The following AKT3 variants were observed in gnomAD, a reference collection of about 807,000 sequenced individuals.
The protein encoded by AKT3 is RAC-gamma serine/threonine-protein kinase.
Under a neutral mutation model 65.3 loss-of-function variants are expected in AKT3, and 15 were observed. The observed-to-expected ratio is 0.23, with a 90% CI of 0.15 to 0.35. The LOEUF is 0.35. AKT3 is among the 10% of genes least tolerant of loss of function. The pLI is 1.00. For synonymous variants in AKT3, 206 were observed against 183.8 expected (o/e 1.12, Z -0.98); for missense variants, 243 against 576.5 (o/e 0.42, Z 5.92).
At chr1:243,538,126 T>C (rs1250386226) in intron 12 of AKT3, among the ~76,000 whole-genome samples, 3 of 152,184 alleles carry the variant, frequency 2.0e-5, no homozygotes, top group African/African-American at 7.2e-5. Context: ...ACCATTACCA[T>C]GTATTGTGGT....
intron 4 of AKT3, among the ~76,000 whole-genome samples, chr1:243,663,127 G>A (rs946364288): frequency 6.6e-6 from 1 of 152,202 alleles, no homozygotes; most frequent in African/African-American, 2.4e-5. Context: ...TGTTTTAAAT[G>A]AGCAAGGAAG....
intron 12 of AKT3, among the ~76,000 whole-genome samples, chr1:243,516,251 T>C (rs541398767): frequency 2.7e-4 from 41 of 152,320 alleles, no homozygotes; most frequent in South Asian, 8.3e-4. Context: ...AACATATGTG[T>C]CCATTTCAGC....
intron 3 of AKT3, among the ~76,000 whole-genome samples, chr1:243,679,386 A>T (rs2147969295): frequency 6.6e-6 from 1 of 152,144 alleles, no homozygotes; most frequent in East Asian, 1.9e-4. Context: ...GGTGATAGAG[A>T]ACTGAAATAT....
intron 2 of AKT3, among the ~76,000 whole-genome samples, chr1:243,832,008 C>T (rs543250663): frequency 9.8e-4 from 148 of 151,154 alleles, no homozygotes; most frequent in African/African-American, 3.4e-3. Context: ...AGGCCACCAA[C>T]AGTGGCTCCT....
intron 2 of AKT3, among the ~76,000 whole-genome samples, chr1:243,791,713 G>A (rs1691643459): frequency 6.6e-6 from 1 of 152,128 alleles, no homozygotes; most frequent in Non-Finnish European, 1.5e-5. Context: ...ACTTATTCCA[G>A]TCCCCTTCTC....
chr1:243,553,362 A>T (rs2148467255), intron 10 of AKT3, among the ~76,000 whole-genome samples: 1 of 152,340 alleles, frequency 6.6e-6, no homozygotes, highest in East Asian at 1.9e-4. Flanking sequence ...AGTGCACTGT[A>T]CATTCTTGCC....
chr1:243,825,396 G>C (rs1694106881), intron 2 of AKT3, among the ~76,000 whole-genome samples: 1 of 152,116 alleles, frequency 6.6e-6, no homozygotes, highest in South Asian at 2.1e-4. Flanking sequence ...ATGAATCCCA[G>C]AACTTAAAAA....
chr1:243,762,890 G>A (rs746401216), intron 2 of AKT3, among the ~76,000 whole-genome samples: 1 of 151,994 alleles, frequency 6.6e-6, no homozygotes, highest in Non-Finnish European at 1.5e-5. Context: ...ACTTATCTGA[G>A]TAGAAAATAT....
intron 4 of AKT3, among the ~76,000 whole-genome samples, chr1:243,655,679 A>G (rs1681723186): frequency 6.6e-6 from 1 of 152,154 alleles, no homozygotes; most frequent in Admixed American, 6.6e-5. Flanking sequence ...TTATATGTCA[A>G]TCCTCTCAAA....
chr1:243,745,085 T>C (rs1260789709), intron 2 of AKT3, among the ~76,000 whole-genome samples: 1 of 152,066 alleles, frequency 6.6e-6, no homozygotes, highest in Non-Finnish European at 1.5e-5. Context: ...CTAGCAGGAT[T>C]TTTTTGGGGT....
chr1:243,612,149 C>T (rs1316573745), intron 8 of AKT3, among the ~76,000 whole-genome samples: 1 of 151,944 alleles, frequency 6.6e-6, no homozygotes. Context: ...TGCTCTGTCA[C>T]CCAGGCTGAA....
intron 8 of AKT3, among the ~76,000 whole-genome samples, chr1:243,576,277 T>C: frequency 6.6e-6 from 1 of 152,158 alleles, no homozygotes; most frequent in East Asian, 1.9e-4. Flanking sequence ...ACAGCAAATA[T>C]CACACTGAAT....
chr1:243,649,680 T>C (rs1473303833), intron 4 of AKT3, among the ~76,000 whole-genome samples: 1 of 152,072 alleles, frequency 6.6e-6, no homozygotes, highest in African/African-American at 2.4e-5. Context: ...TTTCTATTCT[T>C]GTGATAGTTG....
rs1673962943 is a variant in AKT3, at chr1:243,563,768, T to G, written c.900A>C (p.Ala300=). ...TGCCACAGAATGTCTTCATGGTGGCTGCATCTGTGATCCCTTCTTTGCAAA... is the reference window on the plus strand; with the variant it reads ...TGCCACAGAATGTCTTCATGGTGGCGGCATCTGTGATCCCTTCTTTGCAAA... ...FGLCKEGITD[A]ATMKTFCGTP... is the part of the protein sequence containing the mutation. Residue 300 remains alanine, a synonymous_variant, in exon 10 of 14, where the codon GCA becomes GCC. Coordinates refer to ENST00000673466, the MANE Select transcript of AKT3 (RefSeq NM_005465.7). 6.2e-7 allele frequency: 1 copy of G among 1,613,304 alleles called. No individual in the cohort carries two copies. The highest frequency in any genetic ancestry group is 1.7e-4 in the Middle Eastern group (1 of 6,056).
intron 2 of AKT3, among the ~76,000 whole-genome samples, chr1:243,841,837 T>TAA (rs150252760): frequency 9.4e-4 from 141 of 150,120 alleles, no homozygotes; most frequent in African/African-American, 2.7e-3. Flanking sequence ...TACTCAACCA[T>TAA]AAAAAAAAAG....
chr1:243,607,970 T>G (rs1165026765), intron 8 of AKT3, among the ~76,000 whole-genome samples: 1 of 152,208 alleles, frequency 6.6e-6, no homozygotes, highest in Non-Finnish European at 1.5e-5. Flanking sequence ...CCACCATGAT[T>G]GTAAGTTTCC....
chr1:243,509,429 G>A (rs990153762), intron 13 of AKT3, among the ~76,000 whole-genome samples: 6 of 152,092 alleles, frequency 3.9e-5, no homozygotes, highest in African/African-American at 9.7e-5. Context: ...GATGAATTTC[G>A]AAGAGATTCT....
chr1:243,626,364 T>G lies in AKT3; in HGVS notation c.562-11203A>C, dbSNP rs534628247. 1.6e-3 allele frequency among the ~76,000 whole-genome samples: 251 copies of G among 152,354 alleles called. 1 individual carries two copies. Among genetic ancestry groups the G allele is most frequent in the African/African-American group, 5.8e-3 (243 of 41,594 alleles). ...GATGTTAACACAAAGGTCTTAATGC[T>G]GCACTATCAGAAGTTAGGTTTACCA... On this transcript the variant is annotated intron_variant, in intron 6 of 13. Coordinates refer to ENST00000673466, the MANE Select transcript of AKT3 (RefSeq NM_005465.7).
intron 2 of AKT3, among the ~76,000 whole-genome samples, chr1:243,802,507 CATT>C (rs1489341515): frequency 1.3e-5 from 2 of 152,094 alleles, no homozygotes; most frequent in Non-Finnish European, 2.9e-5. Context: ...ACTTTCCAGT[CATT>C]ATTGTTGTTC....
Sources: gnomAD v4.1 joint callset for allele counts (sites outside exome capture counted in the v4.1 genomes callset) on GRCh38, gnomAD v4.1.1 for gene constraint, MANE v1.5 for transcripts, NCBI Gene and HGNC (gene_info 2026-07-23, HGNC 2026-07-21) for gene names.